NCAM2: variants seen among roughly 807,000 people sequenced by gnomAD.
NCAM2 encodes the protein N-CAM-2.
NCAM2 carries 30 observed loss-of-function variants against 98.1 expected under a neutral mutation model. That is an observed-to-expected ratio of 0.31 (90% confidence interval 0.23 to 0.41). NCAM2 has a LOEUF of 0.41. Ranked by LOEUF, NCAM2 falls within the 10% of genes least tolerant of loss-of-function variation. NCAM2 has a pLI of 1.00. For synonymous variants in NCAM2, 368 were observed against 342.4 expected, an observed-to-expected ratio of 1.07 and a Z score of -0.83; for missense variants, 867 against 1,005.8, an observed-to-expected ratio of 0.86 and a Z score of 1.87.
intron 5 of NCAM2, among the ~76,000 whole-genome samples, chr21:21,305,616 T>C (rs1017802739): frequency 2.0e-5 from 3 of 152,060 alleles, no homozygotes; most frequent in Non-Finnish European, 4.4e-5. Context: ...TTATCAATAA[T>C]GAATTTTTCT....
Position 21,025,276 on chromosome 21 carries a change from G to A in NCAM2, c.55+26658G>A, listed in dbSNP as rs141950750. On this transcript the variant is annotated intron_variant, in intron 1 of 17. Transcript: ENST00000400546. ...AATTGTTTGTATTTTTAGTAGAGAC[G>A]GGGTTTCACCGTGTTAGCCAGGATG... 9.6e-3 allele frequency among the ~76,000 whole-genome samples: 1,457 copies of A among 152,020 alleles called. 26 individuals carry two copies. The highest frequency in any genetic ancestry group is 0.033 in the African/African-American group (1,361 of 41,492).
At chr21:21,159,361 T>C (rs1281913295) in intron 1 of NCAM2, among the ~76,000 whole-genome samples, 2 of 152,182 alleles carry the variant, frequency 1.3e-5, no homozygotes, top group Non-Finnish European at 2.9e-5. Flanking sequence ...TGCAGTAATA[T>C]ACAGTCAAGT....
intron 11 of NCAM2, among the ~76,000 whole-genome samples, chr21:21,423,586 T>G (rs192621173): frequency 8.2e-4 from 124 of 152,084 alleles, no homozygotes; most frequent in African/African-American, 2.8e-3. Flanking sequence ...ACTTTTGTTA[T>G]TTTTTTCCAT....
chr21:21,404,047 G>C (rs937141354), intron 9 of NCAM2, among the ~76,000 whole-genome samples: 2 of 152,018 alleles, frequency 1.3e-5, no homozygotes, highest in African/African-American at 4.8e-5. Context: ...AATAATTGAT[G>C]TTGTTTTATG....
At chr21:21,287,825 C>T (rs1180053364) in intron 4 of NCAM2, among the ~76,000 whole-genome samples, 7 of 151,834 alleles carry the variant, frequency 4.6e-5, no homozygotes, top group Non-Finnish European at 8.8e-5. Flanking sequence ...TGGCTTTCCT[C>T]CTTTCCTTGG....
intron 16 of NCAM2, among the ~76,000 whole-genome samples, chr21:21,526,488 T>A (rs892173978): frequency 1.3e-5 from 2 of 151,942 alleles, no homozygotes; most frequent in Non-Finnish European, 2.9e-5. Flanking sequence ...AAGAATGAAA[T>A]AAATGGAGAG....
intron 10 of NCAM2, among the ~76,000 whole-genome samples, chr21:21,417,578 A>G (rs1471448226): frequency 1.3e-5 from 2 of 152,062 alleles, no homozygotes; most frequent in African/African-American, 4.8e-5. Context: ...ATAGTTACAG[A>G]GATTGAAAAT....
chr21:21,419,499 A>G (rs1602284677), intron 11 of NCAM2, among the ~76,000 whole-genome samples: 1 of 136,528 alleles, frequency 7.3e-6, no homozygotes, highest in Non-Finnish European at 1.6e-5. Context: ...TCCTAATGCT[A>G]TCCCTCCTCC....
chr21:21,110,820 A>G (rs2066439390), intron 1 of NCAM2, among the ~76,000 whole-genome samples: 1 of 152,128 alleles, frequency 6.6e-6, no homozygotes, highest in East Asian at 2.0e-4. Flanking sequence ...TTAGTTCCTT[A>G]AACTAGTAAC....
In NCAM2 at chr21:21,367,741, T is replaced by C. The variant is rs77373632; in HGVS notation, c.1045-6122T>C. Among the ~76,000 whole-genome samples, 1,230 of 152,028 alleles carry C rather than the reference T, an allele frequency of 8.1e-3. 21 individuals carry two copies. Among genetic ancestry groups the C allele is most frequent in the African/African-American group, 0.028 (1,165 of 41,516 alleles). Reference sequence around the variant, plus strand: ...CTCATTTAATCTGCATAGGTATCCTTTGAAATCTGTATTCTTATCATACCC... The same window carrying C: ...CTCATTTAATCTGCATAGGTATCCTCTGAAATCTGTATTCTTATCATACCC... On this transcript the variant is annotated intron_variant, in intron 8 of 17. Transcript: ENST00000400546.
intron 5 of NCAM2, among the ~76,000 whole-genome samples, chr21:21,300,872 G>T (rs189873621): frequency 1.5e-4 from 22 of 151,698 alleles, no homozygotes; most frequent in African/African-American, 5.1e-4. Flanking sequence ...TATCAATCTA[G>T]TAATGCACTT....
intron 12 of NCAM2, among the ~76,000 whole-genome samples, chr21:21,447,370 C>T (rs578228828): frequency 4.0e-4 from 61 of 152,160 alleles, no homozygotes; most frequent in Non-Finnish European, 6.5e-4. Context: ...AAACTGGACC[C>T]CTTCCTTACA....
In NCAM2 at chr21:21,278,464, A is replaced by G. The variant is rs143923434; in HGVS notation, c.56-2114A>G. Among the ~76,000 whole-genome samples, 463 of 152,328 alleles carry G rather than the reference A, an allele frequency of 3.0e-3. 2 individuals carry two copies. The highest frequency in any genetic ancestry group is 4.2e-3 in the Non-Finnish European group (284 of 68,024). On this transcript the variant is annotated intron_variant, in intron 1 of 17. Coordinates refer to ENST00000400546, the MANE Select transcript of NCAM2 (RefSeq NM_004540.5). ...TGGATTTGGCATTAATGGTTTATCTACAAGAAAAGTAGGCAAGGGAGAAAA... is the reference window on the plus strand; with the variant it reads ...TGGATTTGGCATTAATGGTTTATCTGCAAGAAAAGTAGGCAAGGGAGAAAA...
rs991695379 is a variant in NCAM2, at chr21:21,332,342, T to C, written c.738-3163T>C. ...AGTTTTATTTGAGGGAGAGCTTCCA[T>C]TTAGGCTCTTTTAGGTGGATCCAAA... On this transcript the variant is annotated intron_variant, in intron 6 of 17. Transcript: ENST00000400546. Among the ~76,000 whole-genome samples the C allele has an allele frequency of 3.9e-5, 6 of 152,180 alleles. 1 individual carries two copies. In the South Asian group the frequency reaches 1.0e-3, roughly 26 times the overall value.
chr21:20,998,734 CTGT>C (rs370780909), intron 1 of NCAM2, 116 bp downstream of exon 1: 36 of 980,658 alleles, frequency 3.7e-5, no homozygotes, highest in African/African-American at 3.4e-4. Context: ...ACAGTTATTG[CTGT>C]TGTTGTTATT....
Position 20,998,625 on chromosome 21 carries a change from G to A in NCAM2, c.55+7G>A. On this transcript the variant is annotated splice_region_variant and intron_variant, in intron 1 of 17. Coordinates refer to ENST00000400546, the MANE Select transcript of NCAM2 (RefSeq NM_004540.5). ...CTTGTCAGTAGCGGGCAAGGTAGGA[G>A]TGTGGCGCTTTATTGCATTTACTTT... The A allele has an allele frequency of 6.2e-7, 1 of 1,613,868 alleles. No homozygotes were observed. Among genetic ancestry groups the A allele is most frequent in the South Asian group, 1.1e-5 (1 of 91,060 alleles).
At chr21:21,165,396 A>G (rs892410056) in intron 1 of NCAM2, among the ~76,000 whole-genome samples, 1 of 152,110 alleles carries the variant, frequency 6.6e-6, no homozygotes, top group Non-Finnish European at 1.5e-5. Context: ...CAGAGCAAAA[A>G]CAGATGTTCA....
chr21:21,206,666 A>C (rs886698265), intron 1 of NCAM2, among the ~76,000 whole-genome samples: 1 of 152,162 alleles, frequency 6.6e-6, no homozygotes, highest in Non-Finnish European at 1.5e-5. Context: ...ACATAAAATT[A>C]CATGTTTTAT....
At chr21:21,227,940 C>A (rs1463705896) in intron 1 of NCAM2, among the ~76,000 whole-genome samples, 1 of 151,658 alleles carries the variant, frequency 6.6e-6, no homozygotes, top group Non-Finnish European at 1.5e-5. Flanking sequence ...CAACTAATGA[C>A]TTTTAATGAA....
Sources: gnomAD v4.1 joint callset for allele counts (sites outside exome capture counted in the v4.1 genomes callset) on GRCh38, gnomAD v4.1.1 for gene constraint, MANE v1.5 for transcripts, NCBI Gene and HGNC (gene_info 2026-07-23, HGNC 2026-07-21) for gene names.